The following PIK3CD variants were observed in gnomAD, a reference collection of about 807,000 sequenced individuals.
The protein encoded by PIK3CD is phosphatidylinositol-4,5-bisphosphate 3-kinase catalytic subunit delta, also known as phosphatidylinositol 4,5-bisphosphate 3-kinase catalytic subunit delta isoform.
A neutral mutation model predicts 122.9 loss-of-function variants in PIK3CD; 20 were observed. The ratio of observed to expected loss-of-function variants is 0.16; its 90% CI spans 0.11 to 0.24. The LOEUF is 0.24. PIK3CD is among the 10% of genes least tolerant of loss of function. PIK3CD has a pLI of 1.00. For synonymous variants in PIK3CD, 596 were observed against 593.4 expected (o/e 1.00, Z -0.06); for missense variants, 787 against 1,406.3 (o/e 0.56, Z 7.04).
In PIK3CD at chr1:9,719,059, AC is replaced by A; in HGVS notation, c.1242+147del. ...ATTGCTTGTGGACCCCAGCCTCCTC[AC>A]CCACCCTAGTCTGGCCACCAGCCCT... On this transcript the variant is annotated intron_variant, in intron 9 of 23. Coordinates refer to ENST00000377346, the MANE Select transcript of PIK3CD (RefSeq NM_005026.5). This position sits in a 1 kb window ranked among gnomAD's most constrained non-coding sequence, Gnocchi z 5.5. 1.3e-6 allele frequency: 1 copy of A among 784,390 alleles called. No individual in the cohort carries two copies. The allele number at this position is 784,390 out of a possible 1,614,324, so 48.6% of individuals were successfully genotyped here. A position where few individuals can be genotyped will look rare whatever the true frequency, so the allele number is the denominator to read the frequency against.
intron 1 of PIK3CD, among the ~76,000 whole-genome samples, chr1:9,654,763 C>A (rs1001101408): frequency 7.9e-5 from 12 of 152,138 alleles, no homozygotes; most frequent in African/African-American, 2.9e-4. Context: ...GTGGGACCTT[C>A]AGAAGGCTCT....
rs1479236560 is a variant in PIK3CD, at chr1:9,715,537, C to T, written c.142-4C>T. The stretch of plus-strand genomic sequence containing the variant: ...GAGGGGCTGACCGGTGACTGTCCCT[C>T]CAGCTGCTGTGGCACCGCGCCCAGT... On this transcript the variant is annotated splice_polypyrimidine_tract_variant and splice_region_variant and intron_variant, in intron 3 of 23. Transcript: ENST00000377346. This position sits in a 1 kb window ranked among gnomAD's most constrained non-coding sequence, Gnocchi z 4.1. 6.2e-7 allele frequency: 1 copy of T among 1,612,672 alleles called. No homozygotes were observed. Among genetic ancestry groups the T allele is most frequent in the African/African-American group, 1.3e-5 (1 of 74,934 alleles).
Position 9,710,943 on chromosome 1 carries a change from G to A in PIK3CD, c.141+347G>A, listed in dbSNP as rs186402949. On this transcript the variant is annotated intron_variant, in intron 3 of 23. Transcript: ENST00000377346. The surrounding 1 kb of genome is among the most constrained non-coding windows in gnomAD (Gnocchi z 4.7). The stretch of plus-strand genomic sequence containing the variant: ...TGGGATTACAGGCATGCACCATCAC[G>A]CCCAACTAATTTTGTATTTTTAGTA... Among the ~76,000 whole-genome samples, 3 of 150,954 alleles carry A rather than the reference G, an allele frequency of 2.0e-5. No homozygotes were observed. The highest frequency in any genetic ancestry group is 6.6e-5 in the Admixed American group (1 of 15,164).
chr1:9,715,759 C>T lies in PIK3CD; in HGVS notation c.360C>T (p.Leu120=), dbSNP rs374151860. ...TCATCAACTCACAGATCAGCCTCCT[C>T]ATCGGCAAAGGTAGCTCTGCCGAGT... ...KKLINSQISL[L]IGKGLHEFDS... is the part of the protein sequence containing the mutation. The change falls in exon 4 of 24, where the codon CTC becomes CTT. Residue 120 remains leucine (L), a synonymous_variant. Coordinates refer to ENST00000377346, the MANE Select transcript of PIK3CD (RefSeq NM_005026.5). The surrounding 1 kb of genome is among the most constrained non-coding windows in gnomAD (Gnocchi z 4.1). The T allele has an allele frequency of 5.0e-6, 8 of 1,613,234 alleles. No individual in the cohort carries two copies. Among genetic ancestry groups the T allele is most frequent in the Non-Finnish European group, 6.8e-6 (8 of 1,179,970 alleles).
intron 2 of PIK3CD, among the ~76,000 whole-genome samples, chr1:9,694,491 G>A (rs1352007070): frequency 2.6e-5 from 4 of 152,058 alleles, no homozygotes; most frequent in Non-Finnish European, 5.9e-5. Flanking sequence ...CCAAGATCAC[G>A]CCACTGCACT....
rs373365253 is a variant in PIK3CD at position 9,715,570 on chromosome 1, G to A, written c.171G>A (p.Pro57=). Residue 57 remains proline, a synonymous_variant, in exon 4 of 24, where the codon CCG becomes CCA. Transcript: ENST00000377346. The surrounding 1 kb of genome is among the most constrained non-coding windows in gnomAD (Gnocchi z 4.1). ...TGTGGCACCGCGCCCAGTATGAGCCGCTCTTCCACATGCTCAGTGGCCCCG... is the reference window on the plus strand; with the variant it reads ...TGTGGCACCGCGCCCAGTATGAGCCACTCTTCCACATGCTCAGTGGCCCCG... ...QLLWHRAQYE[P]LFHMLSGPEA... The A allele has an allele frequency of 1.1e-5, 17 of 1,613,524 alleles. No homozygotes were observed. Among genetic ancestry groups the A allele is most frequent in the Non-Finnish European group, 1.4e-5 (17 of 1,180,042 alleles).
At chr1:9,696,485 C>G (rs947583902) in intron 2 of PIK3CD, among the ~76,000 whole-genome samples, 6 of 151,256 alleles carry the variant, frequency 4.0e-5, no homozygotes, top group African/African-American at 1.5e-4. Flanking sequence ...GGTATGGTGG[C>G]CCACACCTGT....
chr1:9,689,889 G>A lies in PIK3CD; in HGVS notation c.-137-1578G>A, dbSNP rs1646135296. Among the ~76,000 whole-genome samples the A allele has an allele frequency of 6.6e-6, 1 of 152,080 alleles. No homozygotes were observed. The highest frequency in any genetic ancestry group is 6.5e-5 in the Admixed American group (1 of 15,270). On this transcript the variant is annotated intron_variant, in intron 1 of 23. Transcript: ENST00000377346. This position sits in a 1 kb window ranked among gnomAD's most constrained non-coding sequence, Gnocchi z 6.1. ...GGCCGTGGGGGCTTGGGGGGCCGAG[G>A]CAGGGGGTTGCGTTCGCGGTGGGAT...
intron 1 of PIK3CD, among the ~76,000 whole-genome samples, chr1:9,679,543 G>C (rs1235819268): frequency 6.6e-6 from 1 of 152,074 alleles, no homozygotes; most frequent in Non-Finnish European, 1.5e-5. Flanking sequence ...TATTCTCCCA[G>C]GCCTTGGTTA....
rs1646767872 is a variant in PIK3CD, at chr1:9,704,815, G to T, written c.-32-5609G>T. On this transcript the variant is annotated intron_variant, in intron 2 of 23. Coordinates refer to ENST00000377346, the MANE Select transcript of PIK3CD (RefSeq NM_005026.5). The surrounding 1 kb of genome is among the most constrained non-coding windows in gnomAD (Gnocchi z 5.0). ...AGGCGTGAGCCACCACGCCCAGCCGGTCCCCCAAGTTTTGAAACAAAAGGA... is the reference window on the plus strand; with the variant it reads ...AGGCGTGAGCCACCACGCCCAGCCGTTCCCCCAAGTTTTGAAACAAAAGGA... Among the ~76,000 whole-genome samples the T allele has an allele frequency of 6.6e-6, 1 of 152,224 alleles. No individual in the cohort carries two copies. The highest frequency in any genetic ancestry group is 1.5e-5 in the Non-Finnish European group (1 of 68,042).
chr1:9,650,121 T>C (rs896014443), upstream of PIK3CD, among the ~76,000 whole-genome samples: 3 of 124,574 alleles, frequency 2.4e-5, no homozygotes, highest in Middle Eastern at 3.5e-3. Context: ...GAAACATTCC[T>C]TCAGAAAGGA....
chr1:9,657,878 C>T (rs1224120784), intron 1 of PIK3CD, among the ~76,000 whole-genome samples: 1 of 152,030 alleles, frequency 6.6e-6, no homozygotes, highest in African/African-American at 2.4e-5. Context: ...TTTGGGGAGC[C>T]CCATTAATCA....
intron 1 of PIK3CD, among the ~76,000 whole-genome samples, chr1:9,677,892 T>G (rs550376434): frequency 6.6e-6 from 1 of 152,080 alleles, no homozygotes; most frequent in East Asian, 1.9e-4. Context: ...GGCTCATGCC[T>G]GTAATCCCAG....
intron 2 of PIK3CD, among the ~76,000 whole-genome samples, chr1:9,709,654 T>C (rs1310624553): frequency 1.3e-5 from 2 of 151,922 alleles, no homozygotes; most frequent in African/African-American, 4.8e-5. Context: ...CAGTGAGCTA[T>C]GATGGCACCA....
chr1:9,631,325 C>A, the PIK3CD span, among the ~76,000 whole-genome samples: 1 of 152,198 alleles, frequency 6.6e-6, no homozygotes, highest in Non-Finnish European at 1.5e-5. Context: ...CGCTAAGCAT[C>A]TGTCCTCATG....
At chr1:9,703,241 G>A (rs938874053) in intron 2 of PIK3CD, among the ~76,000 whole-genome samples, 2 of 152,256 alleles carry the variant, frequency 1.3e-5, no homozygotes, top group African/African-American at 4.8e-5. Context: ...GAATCCTATA[G>A]TCAGGGAGAT....
the PIK3CD span, among the ~76,000 whole-genome samples, chr1:9,632,296 G>A: frequency 6.6e-6 from 1 of 152,176 alleles, no homozygotes; most frequent in Non-Finnish European, 1.5e-5. Flanking sequence ...GCAGGCGTGA[G>A]CCACCGCACC....
chr1:9,649,525 G>A (rs1352452957), upstream of PIK3CD, among the ~76,000 whole-genome samples: 2 of 152,076 alleles, frequency 1.3e-5, no homozygotes, highest in Admixed American at 1.3e-4. Flanking sequence ...GAGCCATCAT[G>A]CCTGGCCTGG....
chr1:9,627,654 T>A, the PIK3CD span, among the ~76,000 whole-genome samples: 181 of 152,308 alleles, frequency 1.2e-3, no homozygotes, highest in African/African-American at 4.2e-3. Flanking sequence ...CTTATGATTC[T>A]AGTTCCCTGT....
Sources: allele counts gnomAD v4.1 joint callset (sites outside exome capture counted in the v4.1 genomes callset), GRCh38; gene constraint gnomAD v4.1.1; non-coding constraint Gnocchi (gnomAD v3.1); transcripts MANE v1.5; gene names NCBI Gene and HGNC (gene_info 2026-07-23, HGNC 2026-07-21).